Variants in DSC3 observed in about 807,000 individuals in gnomAD.
DSC3 encodes the protein desmocollin 3, also known as desmocollin-3.
Under a neutral mutation model 89.5 loss-of-function variants are expected in DSC3, and 97 were observed. The observed-to-expected ratio is 1.08, with a 90% CI of 0.92 to 1.28. The LOEUF is 1.28. Ranked by LOEUF, DSC3 falls within the 50% of genes most tolerant of loss-of-function variation. The pLI, the probability that DSC3 is intolerant of heterozygous loss-of-function variation, is 0.00. For synonymous variants in DSC3, 436 were observed against 384.1 expected, an observed-to-expected ratio of 1.14 and a Z score of -1.58; for missense variants, 1,199 against 1,085.3, an observed-to-expected ratio of 1.10 and a Z score of -1.47.
intron 6 of DSC3, 122 bp downstream of exon 6, chr18:31,024,227 G>C: frequency 1.1e-6 from 1 of 912,472 alleles, no homozygotes. Flanking sequence ...TTTCTGGTAA[G>C]TAGATTCTAG....
intron 13 of DSC3, among the ~76,000 whole-genome samples, chr18:31,003,293 G>T (rs1258999555): frequency 6.6e-6 from 1 of 152,010 alleles, no homozygotes; most frequent in Non-Finnish European, 1.5e-5. Flanking sequence ...TTCATTAACT[G>T]TCACAAGGCA....
At chr18:31,028,808 G>T (rs980321056) in intron 4 of DSC3, among the ~76,000 whole-genome samples, 1 of 152,048 alleles carries the variant, frequency 6.6e-6, no homozygotes, top group Non-Finnish European at 1.5e-5. Context: ...TTATTATTAA[G>T]ATAAAGTTAA....
chr18:31,018,742 C>A lies in DSC3; in HGVS notation c.1001G>T (p.Gly334Val). ...KVQDMDGQFF[G>V]LIGTSTCIIT... ...GATACAAGTTGATGTGCCTATCAAT[C>A]CAAAAAACTGGCCATCCATGTCTTG... Residue 334 changes from glycine to valine, a missense_variant, in exon 8 of 16, where the codon GGA becomes GTA. Transcript: ENST00000360428. The A allele has an allele frequency of 1.2e-6, 2 of 1,613,756 alleles. No individual in the cohort carries two copies. Among genetic ancestry groups the A allele is most frequent in the South Asian group, 2.2e-5 (2 of 91,072 alleles).
In DSC3 at chr18:31,025,845, G is replaced by C; in HGVS notation, c.545C>G (p.Pro182Arg). Residue 182 changes from proline (P) to arginine (R), a missense_variant, in exon 5 of 16, where the codon CCT becomes CGT. Coordinates refer to ENST00000360428, the MANE Select transcript of DSC3 (RefSeq NM_001941.5). ...SISGRGVDKE[P>R]LNLFYIERDT... ...TCTTTCTATATAAAACAAATTTAAA[G>C]GTTCTTTATCAACTCCACGTCCACT... The C allele has an allele frequency of 6.2e-7, 1 of 1,612,978 alleles. No homozygotes were observed. The highest frequency in any genetic ancestry group is 8.5e-7 in the Non-Finnish European group (1 of 1,179,320).
At chr18:31,000,423 C>T (rs1027952916) in intron 14 of DSC3, among the ~76,000 whole-genome samples, 1 of 152,178 alleles carries the variant, frequency 6.6e-6, no homozygotes, top group Admixed American at 6.6e-5. Flanking sequence ...CACTGATCCC[C>T]CTACTGACTC....
At chr18:31,003,048 T>A (rs536734760) in intron 13 of DSC3, among the ~76,000 whole-genome samples, 1 of 152,188 alleles carries the variant, frequency 6.6e-6, no homozygotes, top group African/African-American at 2.4e-5. Flanking sequence ...CCAGACATAA[T>A]CACAAATTAG....
chr18:31,003,194 C>T (rs1181418928), intron 13 of DSC3, among the ~76,000 whole-genome samples: 2 of 152,030 alleles, frequency 1.3e-5, no homozygotes, highest in Admixed American at 1.3e-4. Flanking sequence ...CAATCACTGG[C>T]ACCAATACCC....
At chr18:31,013,972 A>G (rs1236099104) in intron 9 of DSC3, among the ~76,000 whole-genome samples, 1 of 152,142 alleles carries the variant, frequency 6.6e-6, no homozygotes, top group Admixed American at 6.6e-5. Flanking sequence ...ATTTCCATTG[A>G]TATGGCCTAA....
rs777458209 is a variant in DSC3 at position 31,032,290 on chromosome 18, G to A, written c.70-14C>T. The A allele has an allele frequency of 1.5e-5, 24 of 1,582,678 alleles. No individual in the cohort carries two copies. The highest frequency in any genetic ancestry group is 2.0e-5 in the Non-Finnish European group (23 of 1,151,746). On this transcript the variant is annotated splice_polypyrimidine_tract_variant and intron_variant, in intron 1 of 15. Coordinates refer to ENST00000360428, the MANE Select transcript of DSC3 (RefSeq NM_001941.5). ...ACGACTGAAGATCTAGAATTTAAAAGGTCACATTAATACAGTAGAAAATAA... is the reference window on the plus strand; with the variant it reads ...ACGACTGAAGATCTAGAATTTAAAAAGTCACATTAATACAGTAGAAAATAA...
intron 9 of DSC3, among the ~76,000 whole-genome samples, chr18:31,012,915 A>T (rs1341200126): frequency 6.6e-6 from 1 of 152,140 alleles, no homozygotes; most frequent in East Asian, 1.9e-4. Flanking sequence ...ATTCTCTCCT[A>T]CTCTTTCTAT....
intron 13 of DSC3, 108 bp downstream of exon 13, chr18:31,004,034 G>A (rs1478901686): frequency 2.4e-6 from 2 of 827,852 alleles, no homozygotes; most frequent in Non-Finnish European, 3.8e-6. Flanking sequence ...AACTTGGAAA[G>A]AGACTCACAT....
At chr18:31,018,924 G>T in intron 7 of DSC3, 124 bp from the exon 8 acceptor site, 1 of 936,540 alleles carries the variant, frequency 1.1e-6, no homozygotes, top group Non-Finnish European at 1.7e-6. Context: ...GCTTTTACCT[G>T]ATTTCCATAT....
intron 7 of DSC3, 127 bp downstream of exon 7, chr18:31,022,209 G>T: frequency 2.6e-6 from 3 of 1,157,124 alleles, no homozygotes. Flanking sequence ...AAAATTGTTA[G>T]GAATTCTTAT....
intron 3 of DSC3, among the ~76,000 whole-genome samples, chr18:31,029,925 C>G (rs1436159055): frequency 6.6e-6 from 1 of 152,058 alleles, no homozygotes; most frequent in Non-Finnish European, 1.5e-5. Flanking sequence ...TTGCTTTGTC[C>G]CAAATGGAGA....
In DSC3 at chr18:30,993,889, A is replaced by G. The variant is rs1984359297; in HGVS notation, c.*286T>C. 1 of 308,026 alleles carries G rather than the reference A, an allele frequency of 3.2e-6. No homozygotes were observed. Among genetic ancestry groups the G allele is most frequent in the South Asian group, 3.6e-5 (1 of 28,066 alleles). The allele number at this position is 308,026 out of a possible 1,614,324, so 19.1% of individuals were successfully genotyped here. A position where few individuals can be genotyped will look rare whatever the true frequency, so the allele number is the denominator to read the frequency against. ...GCTATTGTTGGACTAATATTTATCC[A>G]GCATATTTATTACTAAAATATCCGT... On this transcript the variant is annotated 3_prime_UTR_variant, in exon 16 of 16. Coordinates refer to ENST00000360428, the MANE Select transcript of DSC3 (RefSeq NM_001941.5).
chr18:31,036,250 T>C (rs986052362), intron 1 of DSC3, among the ~76,000 whole-genome samples: 15 of 152,218 alleles, frequency 9.9e-5, no homozygotes, highest in Non-Finnish European at 1.9e-4. Context: ...TATGACTTTT[T>C]CCATGTTGCC....
chr18:31,022,743 CA>C (rs1416913552), intron 6 of DSC3, among the ~76,000 whole-genome samples: 14 of 152,242 alleles, frequency 9.2e-5, no homozygotes, highest in Non-Finnish European at 1.9e-4. Flanking sequence ...CACATTTGAT[CA>C]TAAATCACTA....
chr18:31,004,121 C>A (rs781658270), intron 13 of DSC3, 21 bp downstream of exon 13: 1 of 1,562,608 alleles, frequency 6.4e-7, no homozygotes, highest in Non-Finnish European at 8.8e-7. Flanking sequence ...ATTTTAACTT[C>A]AAGAAAGTGA....
chr18:30,998,287 A>G (rs1984543505), intron 14 of DSC3, among the ~76,000 whole-genome samples: 1 of 152,132 alleles, frequency 6.6e-6, no homozygotes, highest in Non-Finnish European at 1.5e-5. Flanking sequence ...AAGTATCTAG[A>G]TGGATGAGGC....
Sources: allele counts gnomAD v4.1 joint callset (sites outside exome capture counted in the v4.1 genomes callset), GRCh38; gene constraint gnomAD v4.1.1; transcripts MANE v1.5; gene names NCBI Gene and HGNC (gene_info 2026-07-23, HGNC 2026-07-21).